IRGQ: variants seen among roughly 807,000 people sequenced by gnomAD.
The protein encoded by IRGQ is immunity-related GTPase family Q protein.
A neutral mutation model predicts 10.5 loss-of-function variants in IRGQ; 5 were observed. The ratio of observed to expected loss-of-function variants is 0.48; its 90% CI spans 0.25 to 1.00. IRGQ has a LOEUF of 1.00. Ranked by LOEUF, IRGQ falls within the 50% of genes least tolerant of loss-of-function variation. The pLI, the probability that IRGQ is intolerant of heterozygous loss-of-function variation, is 0.16. For synonymous variants in IRGQ, 418 were observed against 426.0 expected (o/e 0.98, Z 0.23); for missense variants, 792 against 877.7 (o/e 0.90, Z 1.23).
rs1973114722 is a variant in IRGQ, at chr19:43,595,004, G to A, written c.335C>T (p.Ala112Val). The change falls in exon 2 of 3, where the codon GCT (alanine) becomes GTT (valine). Residue 112 changes from alanine (A) to valine (V), a missense_variant. Transcript: ENST00000422989. The part of the protein sequence containing the change: ...AALARGTPLL[A>V]VRNLRPGDSQ... ...ATCCCCAGGACGGAGGTTCCGCACA[G>A]CCAGTAGCGGGGTCCCTCGGGCCAG... 1.9e-6 allele frequency: 3 copies of A among 1,613,636 alleles called. No homozygotes were observed. The East Asian group carries it at 6.7e-5, about 36-fold the overall frequency.
chr19:43,592,585 C>T lies in IRGQ; in HGVS notation c.1313G>A (p.Gly438Glu). Reference sequence around the variant, plus strand: ...CAGCCATTCGCATAGCCCTGGGAGTCCGCCAGGCCGTAGGGGGAACACTGG... The same window carrying T: ...CAGCCATTCGCATAGCCCTGGGAGTTCGCCAGGCCGTAGGGGGAACACTGG... ...PPPVFPLRPG[G>E]LPGLCEWLRR... The change falls in exon 3 of 3, where the codon GGA becomes GAA. Residue 438 changes from glycine (G) to glutamate (E), a missense_variant. By Grantham distance (98) the Gly-to-Glu change is moderately conservative. Coordinates refer to ENST00000422989, the MANE Select transcript of IRGQ (RefSeq NM_001007561.3). 1 of 1,599,948 alleles carries T rather than the reference C, an allele frequency of 6.3e-7. No homozygotes were observed. The highest frequency in any genetic ancestry group is 8.5e-7 in the Non-Finnish European group (1 of 1,179,728).
rs184001473 is a variant in IRGQ at position 43,592,138 on chromosome 19, G to A, written c.1760C>T (p.Ala587Val). ...TCGGTAGCCCAGGCCACCTGTCGCCGCTGCACCACCCGCAGGCCACAGGAA... is the reference window on the plus strand; with the variant it reads ...TCGGTAGCCCAGGCCACCTGTCGCCACTGCACCACCCGCAGGCCACAGGAA... Reference protein sequence around the residue: ...LSFLWPAGGAAATGGLGYRAA... With the variant: ...LSFLWPAGGAVATGGLGYRAA... The change falls in exon 3 of 3, where the codon GCG (alanine) becomes GTG (valine). Residue 587 changes from alanine to valine, a missense_variant. Physicochemically the swap from Ala to Val is moderately conservative, Grantham distance 64. Coordinates refer to ENST00000422989, the MANE Select transcript of IRGQ (RefSeq NM_001007561.3). 1.9e-6 allele frequency: 3 copies of A among 1,610,792 alleles called. No individual in the cohort carries two copies. The highest frequency in any genetic ancestry group is 1.7e-5 in the Admixed American group (1 of 59,988).
rs1238053559 is a variant in IRGQ at position 43,584,636 on chromosome 19, A to G, written c.*7390T>C. 6.6e-6 allele frequency: 1 copy of G among 152,182 alleles called. No individual in the cohort carries two copies. Among genetic ancestry groups the G allele is most frequent in the Non-Finnish European group, 1.5e-5 (1 of 68,042 alleles). The allele number at this position is 152,182 out of a possible 1,614,324, so 9.4% of individuals were successfully genotyped here. ...ATTTAGTGGTTTAGAACAATCACCT[A>G]TTTAGTTAATGATTCTCTGGGTTGC... On this transcript the variant is annotated 3_prime_UTR_variant, in exon 3 of 3. Coordinates refer to ENST00000422989, the MANE Select transcript of IRGQ (RefSeq NM_001007561.3).
In IRGQ at chr19:43,592,926, C is replaced by A; in HGVS notation, c.972G>T (p.Ala324=). 6.2e-7 allele frequency: 1 copy of A among 1,611,764 alleles called. No homozygotes were observed. Among genetic ancestry groups the A allele is most frequent in the South Asian group, 1.1e-5 (1 of 91,082 alleles). ...CGTCTGTGCGCACGCAGACAAGAGG[C>A]GCATCTGGTAGCAGCAAGGCCTGGA... ...AQVQALLLPD[A]PLVCVRTDGE... Residue 324 remains alanine, a synonymous_variant, in exon 3 of 3, where the codon GCG becomes GCT. Transcript: ENST00000422989.
rs745989672 is a variant in IRGQ, at chr19:43,595,165, C to T, written c.174G>A (p.Leu58=). 1 of 1,608,244 alleles carries T rather than the reference C, an allele frequency of 6.2e-7. No homozygotes were observed. The highest frequency in any genetic ancestry group is 8.5e-7 in the Non-Finnish European group (1 of 1,177,788). ...SLRAAGPGLF[L]GELSCPPAAP... is the part of the protein sequence containing the mutation. The stretch of plus-strand genomic sequence containing the variant: ...CTGCGGGTGGGCAGCTCAGCTCGCC[C>T]AGAAAAAGGCCTGGGCCCGCAGCTC... Residue 58 remains leucine, a synonymous_variant, in exon 2 of 3, where the codon CTG becomes CTA. Coordinates refer to ENST00000422989, the MANE Select transcript of IRGQ (RefSeq NM_001007561.3).
chr19:43,591,895 T>A lies in IRGQ; in HGVS notation c.*131A>T. The A allele has an allele frequency of 1.8e-5, 13 of 733,152 alleles. No homozygotes were observed. Among genetic ancestry groups the A allele is most frequent in the Non-Finnish European group, 2.7e-5 (13 of 473,622 alleles). 45.4% of individuals were successfully genotyped at this position (733,152 alleles called of 1,614,324 possible). A position where few individuals can be genotyped will look rare whatever the true frequency, so the allele number is the denominator to read the frequency against. On this transcript the variant is annotated 3_prime_UTR_variant, in exon 3 of 3. Transcript: ENST00000422989. ...AAATCAGGATTCCTGTCCCCCAGAC[T>A]CTCTGAATCCAGGTGATAAGAAGTC...
chr19:43,592,394 A>C lies in IRGQ; in HGVS notation c.1504T>G (p.Trp502Gly), dbSNP rs749270282. Residue 502 changes from tryptophan to glycine, a missense_variant, in exon 3 of 3, where the codon TGG (tryptophan) becomes GGG (glycine). Physicochemically the swap from Trp to Gly is radical, Grantham distance 184. Transcript: ENST00000422989. ...AAAAPLPGLG[W>G]ACDVALLRGQ... Reference sequence around the variant, plus strand: ...CGCAGAAGTGCCACGTCGCATGCCCAGCCCAGCCCTGGGAGTGGTGCCGCC... The same window carrying C: ...CGCAGAAGTGCCACGTCGCATGCCCCGCCCAGCCCTGGGAGTGGTGCCGCC... The C allele has an allele frequency of 3.2e-6, 5 of 1,576,562 alleles. No homozygotes were observed. Among genetic ancestry groups the C allele is most frequent in the South Asian group, 1.1e-5 (1 of 88,572 alleles).
rs1972979813 is a variant in IRGQ, at chr19:43,585,173, G to C, written c.*6853C>G. ...TGCCACCATGCTCAGCCAGCCCGGG[G>C]TTTGGATGTGGCAGTGGTGGTAGGG... On this transcript the variant is annotated 3_prime_UTR_variant, in exon 3 of 3. Coordinates refer to ENST00000422989, the MANE Select transcript of IRGQ (RefSeq NM_001007561.3). 1 of 152,018 alleles carries C rather than the reference G, an allele frequency of 6.6e-6. No individual in the cohort carries two copies. The highest frequency in any genetic ancestry group is 1.5e-5 in the Non-Finnish European group (1 of 68,042). The allele number at this position is 152,018 out of a possible 1,614,324, so 9.4% of individuals were successfully genotyped here. A position where few individuals can be genotyped will look rare whatever the true frequency, so the allele number is the denominator to read the frequency against.
chr19:43,594,424 A>G (rs1318687079), intron 2 of IRGQ, among the ~76,000 whole-genome samples: 1 of 152,108 alleles, frequency 6.6e-6, no homozygotes, highest in Non-Finnish European at 1.5e-5. Flanking sequence ...AGCCTGTAGT[A>G]TTAGCTACTC....
At position 43,591,869 on chromosome 19, in the gene IRGQ, A is replaced by AAC; in HGVS notation, c.*156_*157insGT. On this transcript the variant is annotated 3_prime_UTR_variant, in exon 3 of 3. Transcript: ENST00000422989. ...CACAAAAAAAAGAAAAAAAAAAAAA[A>AAC]AAATCAGGATTCCTGTCCCCCAGAC... 1 of 712,342 alleles carries AAC rather than the reference A, an allele frequency of 1.4e-6. No individual in the cohort carries two copies. The highest frequency in any genetic ancestry group is 3.4e-5 in the South Asian group (1 of 29,350). The allele number at this position is 712,342 out of a possible 1,614,324, so 44.1% of individuals were successfully genotyped here.
intron 1 of IRGQ, 56 bp from the exon 2 acceptor site, chr19:43,595,396 T>C: frequency 6.8e-7 from 1 of 1,476,716 alleles, no homozygotes; most frequent in Non-Finnish European, 9.0e-7. Context: ...CCTTTTCCTT[T>C]CCTAGCCGCC....
rs1231861237 is a variant in IRGQ at position 43,588,863 on chromosome 19, A to G, written c.*3163T>C. ...CTAATATGATGGGGTAAAGATATGGATGAATATTCTTCCCCAAAGCTGAAA... is the reference window on the plus strand; with the variant it reads ...CTAATATGATGGGGTAAAGATATGGGTGAATATTCTTCCCCAAAGCTGAAA... On this transcript the variant is annotated 3_prime_UTR_variant, in exon 3 of 3. Coordinates refer to ENST00000422989, the MANE Select transcript of IRGQ (RefSeq NM_001007561.3). The G allele has an allele frequency of 2.0e-5, 3 of 152,236 alleles. No individual in the cohort carries two copies. Among genetic ancestry groups the G allele is most frequent in the Non-Finnish European group, 2.9e-5 (2 of 68,048 alleles). The allele number at this position is 152,236 out of a possible 1,614,324, so 9.4% of individuals were successfully genotyped here.
rs1207332523 is a variant in IRGQ at position 43,586,559 on chromosome 19, G to A, written c.*5467C>T. The A allele has an allele frequency of 6.6e-6, 1 of 152,182 alleles. No homozygotes were observed. The highest frequency in any genetic ancestry group is 1.5e-5 in the Non-Finnish European group (1 of 68,034). The allele number at this position is 152,182 out of a possible 1,614,324, so 9.4% of individuals were successfully genotyped here. Reference sequence around the variant, plus strand: ...GGCAGAGGAAATTGAGAGGAGCAAAGCATATAGCAGTGATGTCAGACAGGA... The same window carrying A: ...GGCAGAGGAAATTGAGAGGAGCAAAACATATAGCAGTGATGTCAGACAGGA... On this transcript the variant is annotated 3_prime_UTR_variant, in exon 3 of 3. Transcript: ENST00000422989.
Position 43,594,931 on chromosome 19 carries a change from G to T in IRGQ, c.408C>A (p.Asn136Lys), listed in dbSNP as rs375137873. The T allele has an allele frequency of 6.2e-7, 1 of 1,614,076 alleles. No individual in the cohort carries two copies. The highest frequency in any genetic ancestry group is 2.2e-5 in the East Asian group (1 of 44,878). The change falls in exon 2 of 3, where the codon AAC (asparagine) becomes AAA (lysine). Residue 136 changes from asparagine (N) to lysine (K), a missense_variant. By Grantham distance (94) the Asn-to-Lys change is moderately conservative. Transcript: ENST00000422989. ...QARDQTAALL[N>K]SAGLGAADLF... Reference sequence around the variant, plus strand: ...GATCCGCAGCTCCTAACCCCGCGCTGTTCAGCAGAGCTGCTGTCTGATCAC... The same window carrying T: ...GATCCGCAGCTCCTAACCCCGCGCTTTTCAGCAGAGCTGCTGTCTGATCAC...
chr19:43,596,105 T>A lies in IRGQ; in HGVS notation c.-126A>T, dbSNP rs556389170. On this transcript the variant is annotated 5_prime_UTR_variant, in exon 1 of 3. Coordinates refer to ENST00000422989, the MANE Select transcript of IRGQ (RefSeq NM_001007561.3). Reference sequence around the variant, plus strand: ...AGGCCAGGGAGCGGTGATTTAGAGATGCCGGGACCCGTCCCGGTAGCTTTA... The same window carrying A: ...AGGCCAGGGAGCGGTGATTTAGAGAAGCCGGGACCCGTCCCGGTAGCTTTA... 6.6e-6 allele frequency: 1 copy of A among 152,230 alleles called. No individual in the cohort carries two copies. Among genetic ancestry groups the A allele is most frequent in the African/African-American group, 2.4e-5 (1 of 41,542 alleles). The allele number at this position is 152,230 out of a possible 1,614,324, so 9.4% of individuals were successfully genotyped here. A position where few individuals can be genotyped will look rare whatever the true frequency, so the allele number is the denominator to read the frequency against.
intron 1 of IRGQ, 30 bp downstream of exon 1, chr19:43,595,952 C>G (rs548671463): frequency 6.6e-6 from 1 of 152,400 alleles, no homozygotes; most frequent in Admixed American, 6.5e-5. Flanking sequence ...TTATTTTCAT[C>G]TTTCCCCTTC....
chr19:43,594,670 A>G, intron 2 of IRGQ, 139 bp downstream of exon 2: 1 of 633,302 alleles, frequency 1.6e-6, no homozygotes, highest in East Asian at 3.1e-5. Context: ...CCTGTCTCTC[A>G]GGAAAAAAAA....
In IRGQ at chr19:43,595,135, C is replaced by G; in HGVS notation, c.204G>C (p.Pro68=). The stretch of plus-strand genomic sequence containing the variant: ...CGTTGGCTTCCGCCGCCCAGGGCCC[C>G]GGCGCTGCGGGTGGGCAGCTCAGCT... ...LGELSCPPAA[P]GPWAAEANVL... is the part of the protein sequence containing the mutation. The change falls in exon 2 of 3, where the codon CCG becomes CCC. Residue 68 remains proline (P), a synonymous_variant. Transcript: ENST00000422989. 6.3e-7 allele frequency: 1 copy of G among 1,599,988 alleles called. No individual in the cohort carries two copies. Among genetic ancestry groups the G allele is most frequent in the Non-Finnish European group, 8.5e-7 (1 of 1,172,668 alleles).
Position 43,592,344 on chromosome 19 carries a change from C to T in IRGQ, c.1554G>A (p.Arg518=), listed in dbSNP as rs1417587043. The T allele has an allele frequency of 6.4e-6, 10 of 1,572,248 alleles. No individual in the cohort carries two copies. Among genetic ancestry groups the T allele is most frequent in the African/African-American group, 1.4e-5 (1 of 73,906 alleles). The change falls in exon 3 of 3, where the codon CGG becomes CGA. Residue 518 remains arginine, a synonymous_variant. Transcript: ENST00000422989. ...LLRGQLAEWR[R]GLGLEPTALA... ...GTGCCGTGGGTTCCAGCCCCAGGCC[C>T]CGTCGCCACTCCGCCAGCTGACCCC...
Sources: allele counts gnomAD v4.1 joint callset (sites outside exome capture counted in the v4.1 genomes callset), GRCh38; gene constraint gnomAD v4.1.1; transcripts MANE v1.5; gene names NCBI Gene and HGNC (gene_info 2026-07-23, HGNC 2026-07-21).